DRC8: variants seen among roughly 807,000 people sequenced by gnomAD.
DRC8 encodes dynein regulatory complex protein 8.
At chr1:245,069,386 C>T in the DRC8 span, among the ~76,000 whole-genome samples, 2 of 152,226 alleles carry the variant, frequency 1.3e-5, no homozygotes, top group African/African-American at 2.4e-5. Flanking sequence ...GTCTCGTCCT[C>T]ATTGTCTTCA....
chr1:245,018,690 A>C, the DRC8 span, among the ~76,000 whole-genome samples: 1 of 152,184 alleles, frequency 6.6e-6, no homozygotes, highest in Non-Finnish European at 1.5e-5. Context: ...GAAGTCAGGG[A>C]AAGTATGGCA....
At chr1:245,085,964 C>T in the DRC8 span, among the ~76,000 whole-genome samples, 3 of 152,110 alleles carry the variant, frequency 2.0e-5, no homozygotes, top group Non-Finnish European at 2.9e-5. Context: ...CCCTCGATGG[C>T]GAGTATGATG....
At chr1:244,981,971 CTG>C in the DRC8 span, among the ~76,000 whole-genome samples, 5 of 152,178 alleles carry the variant, frequency 3.3e-5, no homozygotes, top group Non-Finnish European at 7.3e-5. Flanking sequence ...CACTAAAAGA[CTG>C]AGATTTCATC....
the DRC8 span, among the ~76,000 whole-genome samples, chr1:245,039,490 G>T: frequency 6.8e-6 from 1 of 146,670 alleles, no homozygotes; most frequent in Non-Finnish European, 1.5e-5. Context: ...AAAAAAAAAA[G>T]AGTTTGTGTA....
At chr1:245,010,389 G>T in the DRC8 span, among the ~76,000 whole-genome samples, 105 of 152,296 alleles carry the variant, frequency 6.9e-4, no homozygotes, top group African/African-American at 2.4e-3. Context: ...CTGGGTAATG[G>T]TGCATTCTGT....
At chr1:244,976,771 C>T in the DRC8 span, among the ~76,000 whole-genome samples, 431 of 152,262 alleles carry the variant, frequency 2.8e-3, 5 homozygotes, top group Admixed American at 7.2e-4. Context: ...CCATGTGACC[C>T]AGCAGTTCCA....
chr1:245,053,806 G>A, the DRC8 span, among the ~76,000 whole-genome samples: 2 of 152,186 alleles, frequency 1.3e-5, no homozygotes, highest in Admixed American at 6.5e-5. Flanking sequence ...GGATGGTGAT[G>A]GGTTCCTCAA....
the DRC8 span, among the ~76,000 whole-genome samples, chr1:245,022,691 G>A: frequency 2.0e-5 from 3 of 152,090 alleles, no homozygotes; most frequent in Non-Finnish European, 4.4e-5. Context: ...ATGCAAATAT[G>A]TATGAGTATG....
chr1:244,971,411 A>G, the DRC8 span, among the ~76,000 whole-genome samples: 1 of 152,216 alleles, frequency 6.6e-6, no homozygotes, highest in East Asian at 1.9e-4. Context: ...GTCTGTGCGG[A>G]GAAGCCAAAA....
At chr1:245,003,256 G>A in the DRC8 span, among the ~76,000 whole-genome samples, 2 of 151,250 alleles carry the variant, frequency 1.3e-5, no homozygotes, top group Non-Finnish European at 3.0e-5. Context: ...ACACTGGTGT[G>A]TAAGTATCTG....
chr1:245,024,007 T>C, the DRC8 span, among the ~76,000 whole-genome samples: 1 of 152,018 alleles, frequency 6.6e-6, no homozygotes, highest in Non-Finnish European at 1.5e-5. Flanking sequence ...CCGTCTCTAC[T>C]AAAAATACAA....
chr1:245,082,160 A>T, the DRC8 span: 5 of 1,610,146 alleles, frequency 3.1e-6, no homozygotes, highest in Non-Finnish European at 4.3e-6. Context: ...TACTAGAAAG[A>T]AAGTAAGTAA....
At chr1:245,108,763 CCTT>C in the DRC8 span, among the ~76,000 whole-genome samples, 16 of 152,174 alleles carry the variant, frequency 1.1e-4, no homozygotes, top group African/African-American at 3.4e-4. Context: ...TGGGGTCCCT[CCTT>C]CCACTCTACT....
the DRC8 span, chr1:245,121,853 A>G: frequency 2.4e-6 from 1 of 420,428 alleles, no homozygotes; most frequent in African/African-American, 2.1e-5. Flanking sequence ...CTACTTCTTC[A>G]TCTACTTTTT....
chr1:245,020,956 A>G, the DRC8 span, among the ~76,000 whole-genome samples: 1 of 152,068 alleles, frequency 6.6e-6, no homozygotes, highest in Non-Finnish European at 1.5e-5. Context: ...CAAAGGCTAC[A>G]TGACGTGCAG....
chr1:245,044,802 A>G, the DRC8 span, among the ~76,000 whole-genome samples: 1 of 149,346 alleles, frequency 6.7e-6, no homozygotes, highest in East Asian at 2.0e-4. Context: ...CTGGTCTTGA[A>G]CTCCTGACCT....
At chr1:245,041,450 A>T in the DRC8 span, among the ~76,000 whole-genome samples, 3 of 152,184 alleles carry the variant, frequency 2.0e-5, no homozygotes, top group Non-Finnish European at 4.4e-5. Context: ...ATGGATTGAG[A>T]TGGCCATCAA....
the DRC8 span, among the ~76,000 whole-genome samples, chr1:245,007,454 A>G: frequency 6.6e-6 from 1 of 152,208 alleles, no homozygotes; most frequent in Non-Finnish European, 1.5e-5. Flanking sequence ...TAAAGATGTC[A>G]TAATAGCATT....
At chr1:244,983,739 C>CAA in the DRC8 span, among the ~76,000 whole-genome samples, 58,780 of 100,606 alleles carry the variant, frequency 0.58, 16,991 homozygotes, top group East Asian at 0.75. Context: ...GACTCTGTCT[C>CAA]AAAAAAAAAA....
Sources: gnomAD v4.1 joint callset for allele counts (sites outside exome capture counted in the v4.1 genomes callset) on GRCh38, gnomAD v4.1.1 for gene constraint, MANE v1.5 for transcripts, NCBI Gene and HGNC (gene_info 2026-07-23, HGNC 2026-07-21) for gene names.